PALLD: variants seen among roughly 807,000 people sequenced by gnomAD.
PALLD encodes the protein palladin, cytoskeletal associated protein.
Under a neutral mutation model 123.5 loss-of-function variants are expected in PALLD, and 61 were observed. The ratio of observed to expected loss-of-function variants is 0.49; its 90% CI spans 0.40 to 0.61. The LOEUF (loss-of-function observed/expected upper bound fraction) is 0.61, where lower values mean the gene tolerates loss of function less well. PALLD is among the 20% of genes least tolerant of loss of function. The probability of loss-of-function intolerance (pLI) is 0.00; values close to 1 mark genes in which losing one functional copy is unlikely to be tolerated. For synonymous variants in PALLD, 465 were observed against 496.4 expected, an observed-to-expected ratio of 0.94 and a Z score of 0.84; for missense variants, 1,273 against 1,377.0, an observed-to-expected ratio of 0.92 and a Z score of 1.20.
chr4:168,877,828 C>A (rs961972478), intron 10 of PALLD: 30 of 1,307,820 alleles, frequency 2.3e-5, no homozygotes, highest in South Asian at 2.0e-4. Flanking sequence ...CCTCGCCCCC[C>A]TTCCCGCCGC....
At chr4:168,563,798 T>C (rs1768093292) in intron 2 of PALLD, among the ~76,000 whole-genome samples, 1 of 152,246 alleles carries the variant, frequency 6.6e-6, no homozygotes, top group African/African-American at 2.4e-5. Flanking sequence ...TGTCTGTCTG[T>C]GTTCTACTAA....
intron 2 of PALLD, among the ~76,000 whole-genome samples, chr4:168,574,756 G>A (rs1769372888): frequency 6.6e-6 from 1 of 152,074 alleles, no homozygotes; most frequent in Non-Finnish European, 1.5e-5. Flanking sequence ...GAAGTTGGCA[G>A]CACTTCAAAG....
chr4:168,830,231 C>CAAA (rs1156711141), intron 10 of PALLD, among the ~76,000 whole-genome samples: 27 of 73,070 alleles, frequency 3.7e-4, no homozygotes, highest in South Asian at 1.1e-3. Context: ...GACTTTGTCT[C>CAAA]AAAAAAAAAA....
chr4:168,597,345 C>T (rs1221842550), intron 2 of PALLD, among the ~76,000 whole-genome samples: 2 of 151,990 alleles, frequency 1.3e-5, no homozygotes, highest in Non-Finnish European at 2.9e-5. Context: ...GTGCCTGAAA[C>T]TCATACAGTT....
intron 2 of PALLD, among the ~76,000 whole-genome samples, chr4:168,611,215 C>G (rs79960929): frequency 6.6e-6 from 1 of 152,228 alleles, no homozygotes; most frequent in African/African-American, 2.4e-5. Context: ...GCCATTTGCT[C>G]AGGTTTCCTG....
At chr4:168,777,838 A>G (rs937366551) in intron 10 of PALLD, among the ~76,000 whole-genome samples, 9 of 152,158 alleles carry the variant, frequency 5.9e-5, no homozygotes, top group East Asian at 3.8e-4. Flanking sequence ...CCTTCATTCA[A>G]TGCTGCCTAA....
intron 2 of PALLD, among the ~76,000 whole-genome samples, chr4:168,543,103 G>A (rs1765799784): frequency 6.6e-6 from 1 of 152,016 alleles, no homozygotes; most frequent in Non-Finnish European, 1.5e-5. Context: ...CAGTAATTAA[G>A]AGCACAGCCT....
intron 10 of PALLD, among the ~76,000 whole-genome samples, chr4:168,809,114 T>A (rs1032643026): frequency 2.0e-5 from 3 of 152,198 alleles, no homozygotes; most frequent in Non-Finnish European, 4.4e-5. Flanking sequence ...CTGTTTCTCA[T>A]TCACTTTACA....
At chr4:168,697,859 A>T (rs147930080) in intron 8 of PALLD, among the ~76,000 whole-genome samples, 1 of 152,206 alleles carries the variant, frequency 6.6e-6, no homozygotes, top group African/African-American at 2.4e-5. Context: ...CAGCAATCTC[A>T]TTGCTGGATA....
chr4:168,632,973 C>A (rs920650918), intron 2 of PALLD, among the ~76,000 whole-genome samples: 7 of 152,142 alleles, frequency 4.6e-5, no homozygotes, highest in South Asian at 2.1e-4. Context: ...GCGGGGAAGA[C>A]CCCCTGAGAA....
Position 168,512,065 on chromosome 4 carries a change from G to T in PALLD, c.561G>T (p.Lys187Asn). ...EELTSIFKAA[K>N]PRNRSPNGES... ...TAACATCCATATTTAAAGCCGCAAA[G>T]CCAAGAAACAGAAGCCCAAATGGGG... Residue 187 changes from lysine to asparagine, a missense_variant, in exon 2 of 22, where the codon AAG (lysine) becomes AAT (asparagine). Lys to Asn is a moderately conservative substitution (Grantham distance 94). Coordinates refer to ENST00000505667, the MANE Select transcript of PALLD (RefSeq NM_001166108.2). 1.9e-6 allele frequency: 3 copies of T among 1,614,212 alleles called. No individual in the cohort carries two copies. Among genetic ancestry groups the T allele is most frequent in the Non-Finnish European group, 2.5e-6 (3 of 1,180,028 alleles).
chr4:168,623,003 C>T (rs1424906594), intron 2 of PALLD, among the ~76,000 whole-genome samples: 1 of 152,196 alleles, frequency 6.6e-6, no homozygotes, highest in East Asian at 1.9e-4. Flanking sequence ...GAGTTAAGCC[C>T]ACTATCAAGG....
intron 2 of PALLD, among the ~76,000 whole-genome samples, chr4:168,547,730 A>G (rs1415317714): frequency 6.6e-6 from 1 of 151,900 alleles, no homozygotes; most frequent in Non-Finnish European, 1.5e-5. Context: ...CGGGCAGATC[A>G]CGAGGTCGAG....
Position 168,806,950 on chromosome 4 carries a change from A to C in PALLD, c.1965-83972A>C, listed in dbSNP as rs535199839. ...CACATACATATATGTAGTTTCACTT[A>C]TTCTTTCAACAAATGCATATGGAGT... is the stretch of plus-strand genomic sequence containing the variant. On this transcript the variant is annotated intron_variant, in intron 10 of 21. Transcript: ENST00000505667. 4.6e-5 allele frequency among the ~76,000 whole-genome samples: 7 copies of C among 152,282 alleles called. No individual in the cohort carries two copies. In the South Asian group the frequency reaches 1.5e-3, roughly 32 times the overall value.
chr4:168,511,487 C>T lies in PALLD; in HGVS notation c.-18C>T. 1 of 1,599,258 alleles carries T rather than the reference C, an allele frequency of 6.3e-7. No individual in the cohort carries two copies. Among genetic ancestry groups the T allele is most frequent in the Non-Finnish European group, 8.6e-7 (1 of 1,166,804 alleles). On this transcript the variant is annotated 5_prime_UTR_variant, in exon 2 of 22. Coordinates refer to ENST00000505667, the MANE Select transcript of PALLD (RefSeq NM_001166108.2). ...TCCTACTGAAAGCAGACACAGAGTGCATGAAGACCGTTCAAATATGTCAGG... is the reference window on the plus strand; with the variant it reads ...TCCTACTGAAAGCAGACACAGAGTGTATGAAGACCGTTCAAATATGTCAGG...
intron 2 of PALLD, among the ~76,000 whole-genome samples, chr4:168,644,956 C>G (rs887306795): frequency 6.6e-6 from 1 of 151,922 alleles, no homozygotes; most frequent in African/African-American, 2.4e-5. Context: ...CAAAAATTAG[C>G]CGGGCATGGT....
At chr4:168,655,616 G>A (rs1454746178) in intron 2 of PALLD, among the ~76,000 whole-genome samples, 9 of 152,192 alleles carry the variant, frequency 5.9e-5, no homozygotes, top group Admixed American at 5.9e-4. Flanking sequence ...AAGAAGCGAA[G>A]CCTTTTGAAT....
chr4:168,759,202 A>AAAAAAAAAAATAT (rs1554077926), intron 10 of PALLD, among the ~76,000 whole-genome samples: 1 of 22,304 alleles, frequency 4.5e-5, no homozygotes, highest in Non-Finnish European at 8.7e-5. Context: ...AAAAAAAAAA[A>AAAAAAAAAAATAT]ATATATATAT....
At chr4:168,585,387 G>A (rs1464259864) in intron 2 of PALLD, among the ~76,000 whole-genome samples, 1 of 152,036 alleles carries the variant, frequency 6.6e-6, no homozygotes, top group Non-Finnish European at 1.5e-5. Flanking sequence ...TTTCATAGAT[G>A]AGGTGTAACT....
Sources: gnomAD v4.1 joint callset for allele counts (sites outside exome capture counted in the v4.1 genomes callset) on GRCh38, gnomAD v4.1.1 for gene constraint, MANE v1.5 for transcripts, NCBI Gene and HGNC (gene_info 2026-07-23, HGNC 2026-07-21) for gene names.